The following MACROD2 variants were observed in gnomAD, a reference collection of about 807,000 sequenced individuals.
The protein encoded by MACROD2 is mono-ADP ribosylhydrolase 2.
In MACROD2, 36 loss-of-function variants were observed where a neutral mutation model predicts 70.4. The observed-to-expected ratio is 0.51, with a 90% CI of 0.39 to 0.68. The LOEUF (loss-of-function observed/expected upper bound fraction) is 0.68. Among genes scored for constraint, MACROD2 ranks in the 30% least tolerant of loss-of-function variants. The pLI is 0.00. For missense variants in MACROD2, 496 were observed against 538.4 expected, an observed-to-expected ratio of 0.92 and a Z score of 0.78; for synonymous variants, 172 against 178.8, an observed-to-expected ratio of 0.96 and a Z score of 0.30.
chr20:15,508,259 A>G (rs369738650), intron 8 of MACROD2, among the ~76,000 whole-genome samples: 37 of 151,604 alleles, frequency 2.4e-4, no homozygotes, highest in East Asian at 2.2e-3. Context: ...AATGGAGTGC[A>G]TGGGAATGCA....
chr20:14,567,543 A>G (rs1979893335), intron 4 of MACROD2, among the ~76,000 whole-genome samples: 1 of 152,010 alleles, frequency 6.6e-6, no homozygotes, highest in African/African-American at 2.4e-5. Context: ...TAGCATGGCT[A>G]TACTTGTTAT....
At position 15,052,586 on chromosome 20, in the gene MACROD2, TA is replaced by T. The variant is rs536596492; in HGVS notation, c.419-177352del. On this transcript the variant is annotated intron_variant, in intron 5 of 17. Coordinates refer to ENST00000684519, the MANE Select transcript of MACROD2 (RefSeq NM_001351661.2). ...GCTCATAAAAGGTCACAAACTTAAT[TA>T]ATCAATGTGTGTGCTCCGACTGCTC... is the stretch of plus-strand genomic sequence containing the variant. 4.6e-5 allele frequency among the ~76,000 whole-genome samples: 7 copies of T among 152,278 alleles called. No homozygotes were observed. The South Asian group carries it at 1.0e-3, about 23-fold the overall frequency.
chr20:14,214,103 A>G (rs950613064), intron 3 of MACROD2, among the ~76,000 whole-genome samples: 3 of 152,192 alleles, frequency 2.0e-5, no homozygotes, highest in Admixed American at 6.5e-5. Flanking sequence ...GCATAAATAA[A>G]TAGTTAATAA....
intron 8 of MACROD2, among the ~76,000 whole-genome samples, chr20:15,549,509 T>C (rs1027811140): frequency 6.6e-6 from 1 of 152,250 alleles, no homozygotes; most frequent in African/African-American, 2.4e-5. Flanking sequence ...ATACCAAATG[T>C]ATACATCTCT....
chr20:15,809,560 T>G (rs940267718), intron 8 of MACROD2, among the ~76,000 whole-genome samples: 19 of 151,654 alleles, frequency 1.3e-4, no homozygotes, highest in Admixed American at 2.0e-4. Context: ...TGTGGGGAGG[T>G]GCCAGGCTCT....
At chr20:15,056,028 C>G (rs2075482378) in intron 5 of MACROD2, among the ~76,000 whole-genome samples, 1 of 152,086 alleles carries the variant, frequency 6.6e-6, no homozygotes, top group Non-Finnish European at 1.5e-5. Context: ...CTCAAGTGAT[C>G]CGCCTGCCTC....
chr20:14,865,803 A>G (rs987294490), intron 5 of MACROD2, among the ~76,000 whole-genome samples: 2 of 152,144 alleles, frequency 1.3e-5, no homozygotes, highest in Non-Finnish European at 2.9e-5. Flanking sequence ...ATTAAAGATT[A>G]TCCTGTGATG....
At chr20:15,850,508 G>GTGCTGCCC (rs2147146156) in intron 8 of MACROD2, among the ~76,000 whole-genome samples, 1 of 152,370 alleles carries the variant, frequency 6.6e-6, no homozygotes, top group East Asian at 1.9e-4. Flanking sequence ...CACACCTCCA[G>GTGCTGCCC]ACTGTGTGGG....
chr20:15,481,151 G>A (rs945526453), intron 7 of MACROD2, among the ~76,000 whole-genome samples: 2 of 152,090 alleles, frequency 1.3e-5, no homozygotes, highest in African/African-American at 2.4e-5. Flanking sequence ...TTCTCATTTC[G>A]CTAGCATGCT....
At chr20:14,224,430 C>A (rs1193811111) in intron 3 of MACROD2, among the ~76,000 whole-genome samples, 1 of 152,184 alleles carries the variant, frequency 6.6e-6, no homozygotes, top group Non-Finnish European at 1.5e-5. Flanking sequence ...CAGACTGCTG[C>A]CTGGGCCTGG....
At chr20:15,799,709 G>A (rs2063706811) in intron 8 of MACROD2, among the ~76,000 whole-genome samples, 1 of 152,140 alleles carries the variant, frequency 6.6e-6, no homozygotes, top group South Asian at 2.1e-4. Context: ...CAGTAAGGTT[G>A]ATTCCCCACC....
At chr20:16,041,319 C>T (rs752301401) in intron 16 of MACROD2, 41 bp downstream of exon 16, 1 of 1,513,756 alleles carries the variant, frequency 6.6e-7, no homozygotes, top group South Asian at 1.2e-5. Context: ...AACTACAAAT[C>T]TGGCATATTT....
intron 8 of MACROD2, among the ~76,000 whole-genome samples, chr20:15,824,122 G>T (rs1218805085): frequency 6.6e-6 from 1 of 152,186 alleles, no homozygotes; most frequent in African/African-American, 2.4e-5. Context: ...GACTTGAATT[G>T]ACTGTACAGC....
intron 6 of MACROD2, among the ~76,000 whole-genome samples, chr20:15,260,492 T>C (rs1320987718): frequency 2.0e-5 from 3 of 152,018 alleles, no homozygotes; most frequent in Non-Finnish European, 4.4e-5. Context: ...AATAGTATTC[T>C]GTTGTGTGTA....
At chr20:15,954,261 T>A (rs6080049) in intron 12 of MACROD2, among the ~76,000 whole-genome samples, 2,683 of 152,258 alleles carry the variant, frequency 0.018, 46 homozygotes, top group Non-Finnish European at 0.026. Context: ...TAGCTCACTA[T>A]AGCCTGTTAG....
chr20:14,792,150 G>T (rs1367974291), intron 5 of MACROD2, among the ~76,000 whole-genome samples: 1 of 151,748 alleles, frequency 6.6e-6, no homozygotes, highest in African/African-American at 2.4e-5. Context: ...TTAGCGAACT[G>T]TTTGTTATCA....
chr20:14,613,596 CAG>C (rs898945750), intron 4 of MACROD2, among the ~76,000 whole-genome samples: 1 of 152,092 alleles, frequency 6.6e-6, no homozygotes, highest in Admixed American at 6.6e-5. Context: ...GGACAAAACA[CAG>C]TGGAGATTTT....
intron 3 of MACROD2, among the ~76,000 whole-genome samples, chr20:14,207,568 C>T (rs2148752453): frequency 6.6e-6 from 1 of 152,260 alleles, no homozygotes; most frequent in South Asian, 2.1e-4. Context: ...ACTTCCTTAG[C>T]TTATATGAGA....
At chr20:15,537,424 C>G (rs1443144068) in intron 8 of MACROD2, among the ~76,000 whole-genome samples, 1 of 150,896 alleles carries the variant, frequency 6.6e-6, no homozygotes, top group African/African-American at 2.4e-5. Context: ...GTTGATTAGT[C>G]ACCAGGGATA....
Sources: gnomAD v4.1 joint callset for allele counts (sites outside exome capture counted in the v4.1 genomes callset) on GRCh38, gnomAD v4.1.1 for gene constraint, MANE v1.5 for transcripts, NCBI Gene and HGNC (gene_info 2026-07-23, HGNC 2026-07-21) for gene names.